PCNX2: variants seen among roughly 807,000 people sequenced by gnomAD.
The protein encoded by PCNX2 is pecanex 2, also known as pecanex-like protein 2.
PCNX2 carries 168 observed loss-of-function variants against 223.8 expected under a neutral mutation model. The ratio of observed to expected loss-of-function variants is 0.75; its 90% CI spans 0.66 to 0.85. The LOEUF is 0.85. Ranked by LOEUF, PCNX2 falls within the 40% of genes least tolerant of loss-of-function variation. The pLI, the probability that PCNX2 is intolerant of heterozygous loss-of-function variation, is 0.00. For missense variants in PCNX2, 2,507 were observed against 2,675.5 expected (o/e 0.94, Z 1.39); for synonymous variants, 1,006 against 1,052.6 (o/e 0.96, Z 0.86).
intron 28 of PCNX2, among the ~76,000 whole-genome samples, chr1:233,012,018 G>C (rs892206712): frequency 1.3e-5 from 2 of 152,058 alleles, no homozygotes; most frequent in African/African-American, 4.8e-5. Context: ...ACCATCTCTG[G>C]TTAGTGTCAG....
chr1:233,205,746 G>A (rs1681411917), intron 13 of PCNX2, among the ~76,000 whole-genome samples: 1 of 151,996 alleles, frequency 6.6e-6, no homozygotes, highest in Non-Finnish European at 1.5e-5. Context: ...AATGTTCATT[G>A]GTTCATCCTT....
At chr1:233,213,816 C>CT (rs71173256) in intron 12 of PCNX2, among the ~76,000 whole-genome samples, 2,601 of 65,304 alleles carry the variant, frequency 0.04, 546 homozygotes, top group Non-Finnish European at 0.045. Flanking sequence ...CCAGTGCACT[C>CT]TTTTTTTTTT....
Position 233,262,044 on chromosome 1 carries a change from C to A in PCNX2, c.480+1G>T. ...GTGAAACAGGAAAGAAGACCACTAA[C>A]CAATGGCCCAGAAGAGTGATGAGAG... On this transcript the variant is annotated splice_donor_variant, in intron 3 of 33. Coordinates refer to ENST00000258229, the MANE Select transcript of PCNX2 (RefSeq NM_014801.4). LOFTEE classifies it high-confidence loss of function. 6.2e-7 allele frequency: 1 copy of A among 1,613,660 alleles called. No homozygotes were observed. Among genetic ancestry groups the A allele is most frequent in the Non-Finnish European group, 8.5e-7 (1 of 1,179,654 alleles).
chr1:233,303,700 G>A, the PCNX2 span, among the ~76,000 whole-genome samples: 1 of 152,122 alleles, frequency 6.6e-6, no homozygotes, highest in East Asian at 1.9e-4. Context: ...GTGCAGGTTA[G>A]TTACATATGT....
chr1:233,159,692 T>G (rs1678353401), intron 19 of PCNX2, among the ~76,000 whole-genome samples: 1 of 152,208 alleles, frequency 6.6e-6, no homozygotes, highest in Non-Finnish European at 1.5e-5. Flanking sequence ...AAGAAATCTA[T>G]TTCTTCTCTA....
intron 23 of PCNX2, among the ~76,000 whole-genome samples, chr1:233,081,912 C>G (rs1226513503): frequency 6.6e-6 from 1 of 152,158 alleles, no homozygotes; most frequent in African/African-American, 2.4e-5. Context: ...ACAGGCCTCT[C>G]TGGCCACACA....
At chr1:233,129,741 G>C (rs1676345547) in intron 21 of PCNX2, among the ~76,000 whole-genome samples, 1 of 152,196 alleles carries the variant, frequency 6.6e-6, no homozygotes, top group Non-Finnish European at 1.5e-5. Context: ...GTCTAGCTAA[G>C]GGATTGTAAA....
chr1:232,995,444 G>A (rs1452257907), intron 32 of PCNX2, among the ~76,000 whole-genome samples: 1 of 152,164 alleles, frequency 6.6e-6, no homozygotes, highest in Non-Finnish European at 1.5e-5. Context: ...ATTAACAGCT[G>A]GTTTAGGCTT....
rs1676506120 is a variant in PCNX2, at chr1:233,131,523, A to G, written c.3837+3490T>C. On this transcript the variant is annotated intron_variant, in intron 21 of 33. Transcript: ENST00000258229. ...CACTAATATCCACTGGCTTTTTTCC[A>G]GGAAAATCACAAACACTCTCTTTCT... 3.3e-5 allele frequency among the ~76,000 whole-genome samples: 5 copies of G among 152,182 alleles called. No homozygotes were observed. The South Asian group carries it at 1.0e-3, about 31-fold the overall frequency.
chr1:233,303,421 A>G, the PCNX2 span, among the ~76,000 whole-genome samples: 42 of 152,252 alleles, frequency 2.8e-4, no homozygotes, highest in East Asian at 7.7e-3. Flanking sequence ...GGGCTGAGGA[A>G]GGAAGATCCT....
At chr1:233,326,845 A>G in the PCNX2 span, among the ~76,000 whole-genome samples, 4 of 152,198 alleles carry the variant, frequency 2.6e-5, no homozygotes, top group Non-Finnish European at 5.9e-5. Flanking sequence ...GCACCCAGCC[A>G]TTGCCAATGC....
At chr1:233,004,215 C>T (rs1670195329) in intron 28 of PCNX2, among the ~76,000 whole-genome samples, 1 of 152,004 alleles carries the variant, frequency 6.6e-6, no homozygotes, top group Admixed American at 6.6e-5. Context: ...TATAGTTCCA[C>T]ACACTTATGT....
At chr1:232,998,127 G>A (rs906221335) in intron 32 of PCNX2, 124 bp downstream of exon 32, 39 of 1,003,392 alleles carry the variant, frequency 3.9e-5, no homozygotes, top group Middle Eastern at 3.2e-4. Context: ...GCAAATTTCC[G>A]GCATCTATTG....
At chr1:233,245,205 T>A (rs1381258211) in intron 8 of PCNX2, among the ~76,000 whole-genome samples, 1 of 152,232 alleles carries the variant, frequency 6.6e-6, no homozygotes, top group East Asian at 1.9e-4. Context: ...TATAAAGGGC[T>A]AAGCAAAGGC....
Position 233,016,987 on chromosome 1 carries a change from G to A in PCNX2, c.4773C>T (p.Ile1591=), listed in dbSNP as rs537352943. 27 of 1,613,682 alleles carry A rather than the reference G, an allele frequency of 1.7e-5. No individual in the cohort carries two copies. The highest frequency in any genetic ancestry group is 4.2e-6 in the Non-Finnish European group (5 of 1,179,764). ...AAACATTGCAGAAGCTAGCTCGTGT[G>A]ATCCCCTGGAGACACGGGACGTAGT... ...DDDYVPCLQG[I]TRASFCNVYL... The change falls in exon 27 of 34, where the codon ATC becomes ATT. Residue 1591 remains isoleucine, a synonymous_variant. Transcript: ENST00000258229.
intron 1 of PCNX2, among the ~76,000 whole-genome samples, chr1:233,271,241 T>C (rs1431741858): frequency 2.0e-5 from 3 of 152,186 alleles, no homozygotes; most frequent in African/African-American, 7.2e-5. Context: ...AATAGAAATG[T>C]GCTATTTAAA....
chr1:233,297,764 T>C (rs534143119), upstream of PCNX2, among the ~76,000 whole-genome samples: 38 of 152,172 alleles, frequency 2.5e-4, no homozygotes, highest in Admixed American at 1.2e-3. Flanking sequence ...TCCTAGGCAA[T>C]GGACAAGAAC....
chr1:233,242,903 T>A lies in PCNX2; in HGVS notation c.2223-5923A>T, dbSNP rs530738114. ...GTAATAAAATACTCAAGTGGATTTA[T>A]CCTCTGGCAGTTTTTCCTACTAGCA... On this transcript the variant is annotated intron_variant, in intron 8 of 33. Transcript: ENST00000258229. Among the ~76,000 whole-genome samples the A allele has an allele frequency of 2.7e-3, 411 of 152,356 alleles. 1 individual carries two copies. Among genetic ancestry groups the A allele is most frequent in the Admixed American group, 6.7e-3 (102 of 15,296 alleles).
At chr1:233,065,122 T>A (rs1272132844) in intron 23 of PCNX2, among the ~76,000 whole-genome samples, 2 of 152,234 alleles carry the variant, frequency 1.3e-5, no homozygotes, top group Non-Finnish European at 2.9e-5. Flanking sequence ...ATTCCCTCAG[T>A]GCTTTTCTGG....
Sources: gnomAD v4.1 joint callset for allele counts (sites outside exome capture counted in the v4.1 genomes callset) on GRCh38, gnomAD v4.1.1 for gene constraint, MANE v1.5 for transcripts, NCBI Gene and HGNC (gene_info 2026-07-23, HGNC 2026-07-21) for gene names.